The following ST6GALNAC1 variants were observed in gnomAD, a reference collection of about 807,000 sequenced individuals.
ST6GALNAC1 encodes alpha-N-acetylgalactosaminide alpha-2,6-sialyltransferase 1.
ST6GALNAC1 carries 45 observed loss-of-function variants against 56.8 expected under a neutral mutation model. That is an observed-to-expected ratio of 0.79 (90% confidence interval 0.62 to 1.02). ST6GALNAC1 has a LOEUF of 1.02. Ranked by LOEUF, ST6GALNAC1 falls within the 50% of genes least tolerant of loss-of-function variation. The pLI is 0.00. For missense variants in ST6GALNAC1, 743 were observed against 754.8 expected (o/e 0.98, Z 0.18); for synonymous variants, 295 against 297.8 (o/e 0.99, Z 0.10).
intron 1 of ST6GALNAC1, among the ~76,000 whole-genome samples, chr17:76,635,633 T>C (rs1405585333): frequency 6.6e-6 from 1 of 152,164 alleles, no homozygotes; most frequent in Non-Finnish European, 1.5e-5. Flanking sequence ...AGAGACTCTG[T>C]CTCAAAACAA....
In ST6GALNAC1 at chr17:76,643,594, G is replaced by T; in HGVS notation, c.45C>A (p.Val15=). 6.2e-7 allele frequency: 1 copy of T among 1,614,158 alleles called. No individual in the cohort carries two copies. The highest frequency in any genetic ancestry group is 8.5e-7 in the Non-Finnish European group (1 of 1,179,998). ...GGACAGCCAGAAGCAAGGACCACTGGACGCCTTGGCTCAGGTGCCTGCATC... is the reference window on the plus strand; with the variant it reads ...GGACAGCCAGAAGCAAGGACCACTGTACGCCTTGGCTCAGGTGCCTGCATC... The part of the protein sequence containing the change: ...LWRCRHLSQG[V]QWSLLLAVLV... Residue 15 remains valine, a synonymous_variant, in exon 1 of 9, where the codon GTC becomes GTA. Transcript: ENST00000156626.
In ST6GALNAC1 at chr17:76,643,573, A is replaced by C; in HGVS notation, c.66T>G (p.Ala22=). 1 of 1,614,186 alleles carries C rather than the reference A, an allele frequency of 6.2e-7. No homozygotes were observed. Among genetic ancestry groups the C allele is most frequent in the Non-Finnish European group, 8.5e-7 (1 of 1,179,986 alleles). Residue 22 remains alanine (A), a synonymous_variant, in exon 1 of 9, where the codon GCT becomes GCG. Transcript: ENST00000156626. The part of the protein sequence containing the change: ...SQGVQWSLLL[A]VLVFFLFALP... ...AGGCGAAGAGAAAGAAGACCAGGAC[A>C]GCCAGAAGCAAGGACCACTGGACGC...
intron 1 of ST6GALNAC1, among the ~76,000 whole-genome samples, chr17:76,633,330 G>C (rs2075933518): frequency 6.6e-6 from 1 of 152,046 alleles, no homozygotes; most frequent in African/African-American, 2.4e-5. Context: ...GACCAGCATG[G>C]AGAAACCCCA....
At chr17:76,618,720 G>A in the ST6GALNAC1 span, among the ~76,000 whole-genome samples, 1 of 151,666 alleles carries the variant, frequency 6.6e-6, no homozygotes, top group Non-Finnish European at 1.5e-5. Flanking sequence ...GGTGGAGGTT[G>A]CAGTGAGCTG....
chr17:76,620,176 G>A (rs962226634), downstream of ST6GALNAC1, among the ~76,000 whole-genome samples: 1 of 152,004 alleles, frequency 6.6e-6, no homozygotes, highest in Admixed American at 6.6e-5. Context: ...GAGTAGCTGG[G>A]ATTACAGGCA....
In ST6GALNAC1 at chr17:76,627,035, C is replaced by A; in HGVS notation, c.1172+32G>T. On this transcript the variant is annotated intron_variant, in intron 4 of 8. Transcript: ENST00000156626. The surrounding 1 kb of genome is among the most constrained non-coding windows in gnomAD (Gnocchi z 4.4). The stretch of plus-strand genomic sequence containing the variant: ...GGGGCTGGAGGGGGCAGGAGAGGGG[C>A]TGGAGAGGGAGCTTGGGTGGGGACA... The A allele has an allele frequency of 3.3e-6, 5 of 1,529,982 alleles. No individual in the cohort carries two copies. Among genetic ancestry groups the A allele is most frequent in the Non-Finnish European group, 4.4e-6 (5 of 1,137,876 alleles). The allele number at this position is 1,529,982 out of a possible 1,614,324, so 94.8% of individuals were successfully genotyped here.
chr17:76,629,196 T>C lies in ST6GALNAC1; in HGVS notation c.647A>G (p.Gln216Arg), dbSNP rs751247959. The change falls in exon 2 of 9, where the codon CAG (glutamine) becomes CGG (arginine). Residue 216 changes from glutamine to arginine, a missense_variant. Gln to Arg is a conservative substitution (Grantham distance 43). Coordinates refer to ENST00000156626, the MANE Select transcript of ST6GALNAC1 (RefSeq NM_018414.5). ...PTGAVSTRTR[Q>R]KGVTTAVIPP... is the part of the protein sequence containing the mutation. ...GATGACTGCTGTGGTCACTCCTTTC[T>C]GTCTCGTCCTTGTTGACACTGCTCC... 1.2e-6 allele frequency: 2 copies of C among 1,614,168 alleles called. No individual in the cohort carries two copies. Among genetic ancestry groups the C allele is most frequent in the South Asian group, 2.2e-5 (2 of 91,080 alleles).
downstream of ST6GALNAC1, among the ~76,000 whole-genome samples, chr17:76,621,329 C>T (rs1432128562): frequency 1.1e-4 from 17 of 150,846 alleles, no homozygotes; most frequent in Non-Finnish European, 1.3e-4. Flanking sequence ...ACTACAGGTG[C>T]ACGCCACCAC....
chr17:76,636,751 C>G (rs1338808986), intron 1 of ST6GALNAC1, among the ~76,000 whole-genome samples: 1 of 152,134 alleles, frequency 6.6e-6, no homozygotes, highest in Non-Finnish European at 1.5e-5. Flanking sequence ...TGCCCGGCCG[C>G]CACCCCATCT....
At chr17:76,633,175 C>A (rs1453218472) in intron 1 of ST6GALNAC1, among the ~76,000 whole-genome samples, 1 of 152,020 alleles carries the variant, frequency 6.6e-6, no homozygotes. Flanking sequence ...CACTACTGCA[C>A]TCCAGCCTGG....
downstream of ST6GALNAC1, among the ~76,000 whole-genome samples, chr17:76,622,356 A>G (rs985303332): frequency 2.0e-5 from 3 of 151,470 alleles, no homozygotes; most frequent in African/African-American, 7.3e-5. Flanking sequence ...TTCACCATGC[A>G]ACATTTTATT....
intron 1 of ST6GALNAC1, 32 bp from the exon 2 acceptor site, chr17:76,629,743 G>A: frequency 6.7e-7 from 1 of 1,488,634 alleles, no homozygotes; most frequent in Middle Eastern, 1.7e-4. Context: ...GATGAAGGCT[G>A]AAGATTGTGG....
At chr17:76,624,325 A>G (rs2075768642), downstream of ST6GALNAC1, among the ~76,000 whole-genome samples, 1 of 152,002 alleles carries the variant, frequency 6.6e-6, no homozygotes, top group Non-Finnish European at 1.5e-5. Context: ...ATCTTGGCTC[A>G]CTGCAACTCT....
Position 76,626,672 on chromosome 17 carries a change from G to A in ST6GALNAC1, c.1290C>T (p.Phe430=). 1 of 1,614,194 alleles carries A rather than the reference G, an allele frequency of 6.2e-7. No homozygotes were observed. The highest frequency in any genetic ancestry group is 8.5e-7 in the Non-Finnish European group (1 of 1,180,034). Residue 430 remains phenylalanine (F), a synonymous_variant, in exon 5 of 9, where the codon TTC becomes TTT. Transcript: ENST00000156626. ...TCACCTTCCCAAGAGGCACGTTCTTGAAACCCCGATTGCCCAATATAAGGA... is the reference window on the plus strand; with the variant it reads ...TCACCTTCCCAAGAGGCACGTTCTTAAAACCCCGATTGCCCAATATAAGGA... The part of the protein sequence containing the change: ...QSLLILGNRG[F]KNVPLGKDVR...
intron 1 of ST6GALNAC1, among the ~76,000 whole-genome samples, chr17:76,642,900 G>A (rs2076066397): frequency 6.9e-6 from 1 of 144,114 alleles, no homozygotes; most frequent in Non-Finnish European, 1.5e-5. Flanking sequence ...CAGCACTCCG[G>A]CAGCAGAGTG....
At chr17:76,643,021 C>T (rs1047221198) in intron 1 of ST6GALNAC1, among the ~76,000 whole-genome samples, 17 of 151,978 alleles carry the variant, frequency 1.1e-4, no homozygotes, top group African/African-American at 3.6e-4. Flanking sequence ...ATTAACTTGG[C>T]GTCCACAATT....
intron 1 of ST6GALNAC1, among the ~76,000 whole-genome samples, chr17:76,631,787 C>T (rs1319930423): frequency 6.6e-6 from 1 of 152,066 alleles, no homozygotes; most frequent in African/African-American, 2.4e-5. Context: ...GTCTCGGTCA[C>T]ATACTACATG....
At chr17:76,619,399 C>A in the ST6GALNAC1 span, among the ~76,000 whole-genome samples, 2 of 152,288 alleles carry the variant, frequency 1.3e-5, no homozygotes, top group South Asian at 2.1e-4. Context: ...CCATAGAATT[C>A]TTTCTTTAGA....
chr17:76,626,737 A>T lies in ST6GALNAC1; in HGVS notation c.1225T>A (p.Ser409Thr). ...GYEQDVGTRTSFYGFTAFSLT... is the reference protein window; with the variant it reads ...GYEQDVGTRTTFYGFTAFSLT... ...GAGAAGGCGGTAAAGCCGTAGAAGG[A>T]TGTCCGAGTCCCCACATCCTGTTCG... is the stretch of plus-strand genomic sequence containing the variant. The change falls in exon 5 of 9, where the codon TCC (serine) becomes ACC (threonine). Residue 409 changes from serine (S) to threonine (T), a missense_variant. Ser to Thr is a moderately conservative substitution (Grantham distance 58). Coordinates refer to ENST00000156626, the MANE Select transcript of ST6GALNAC1 (RefSeq NM_018414.5). The T allele has an allele frequency of 6.2e-7, 1 of 1,614,214 alleles. No individual in the cohort carries two copies. The highest frequency in any genetic ancestry group is 1.1e-5 in the South Asian group (1 of 91,078).
Sources: gnomAD v4.1 joint callset for allele counts (sites outside exome capture counted in the v4.1 genomes callset) on GRCh38, gnomAD v4.1.1 for gene constraint, Gnocchi (gnomAD v3.1) non-coding constraint, MANE v1.5 for transcripts, NCBI Gene and HGNC (gene_info 2026-07-23, HGNC 2026-07-21) for gene names.